Variants in COLQ observed in about 807,000 individuals in gnomAD.
COLQ encodes collagen like tail subunit of asymmetric acetylcholinesterase.
Under a neutral mutation model 69.0 loss-of-function variants are expected in COLQ, and 48 were observed. The ratio of observed to expected loss-of-function variants is 0.70; its 90% CI spans 0.55 to 0.88. The LOEUF (loss-of-function observed/expected upper bound fraction) is 0.88, where lower values mean the gene tolerates loss of function less well. COLQ is among the 40% of genes least tolerant of loss of function. The pLI, the probability that COLQ is intolerant of heterozygous loss-of-function variation, is 0.00. For missense variants in COLQ, 618 were observed against 594.6 expected (o/e 1.04, Z -0.41); for synonymous variants, 217 against 211.2 (o/e 1.03, Z -0.24).
intron 15 of COLQ, 76 bp from the exon 16 acceptor site, chr3:15,454,007 C>T: frequency 7.8e-6 from 8 of 1,027,264 alleles, no homozygotes; most frequent in South Asian, 1.4e-5. Context: ...AAGGACCATG[C>T]GGCCCAAGGG....
At chr3:15,488,462 A>G (rs1032607405) in intron 2 of COLQ, among the ~76,000 whole-genome samples, 155 bp from the exon 3 acceptor site, 4 of 152,250 alleles carry the variant, frequency 2.6e-5, no homozygotes, top group African/African-American at 7.2e-5. Flanking sequence ...ACCTTGGGCT[A>G]CCAGTTTCTG....
intron 15 of COLQ, among the ~76,000 whole-genome samples, chr3:15,455,480 C>T (rs2062010931): frequency 1.3e-5 from 2 of 152,374 alleles, no homozygotes; most frequent in South Asian, 4.1e-4. Flanking sequence ...GGCTTTGCTA[C>T]TAGAGCTCTA....
Position 15,464,771 on chromosome 3 carries a change from ATG to A in COLQ, c.814+1568_814+1569del, listed in dbSNP as rs2062171923. On this transcript the variant is annotated intron_variant, in intron 12 of 16. Coordinates refer to ENST00000383788, the MANE Select transcript of COLQ (RefSeq NM_005677.4). ...AGACAGAAAATGTTGCAGTCAACAAATGATCTTCTTGATACTGTCTTTATACA... is the reference window on the plus strand; with the variant it reads ...AGACAGAAAATGTTGCAGTCAACAAAATCTTCTTGATACTGTCTTTATACA... 3.9e-5 allele frequency among the ~76,000 whole-genome samples: 6 copies of A among 152,350 alleles called. No homozygotes were observed. The South Asian group carries it at 1.2e-3, about 32-fold the overall frequency.
rs780814610 is a variant in COLQ at position 15,466,329 on chromosome 3, T to C, written c.814+12A>G. On this transcript the variant is annotated intron_variant, in intron 12 of 16. Transcript: ENST00000383788. The stretch of plus-strand genomic sequence containing the variant: ...TCCAACAGTGGATCAAGTGAAGCAG[T>C]GTAGCTCTTACCTGCAGGTGGGGGG... 3.6e-5 allele frequency: 57 copies of C among 1,595,490 alleles called. No homozygotes were observed. In the South Asian group the frequency reaches 6.2e-4, roughly 17 times the overall value.
rs367936794 is a variant in COLQ, at chr3:15,463,232, C to T, written c.814+3109G>A. ...TAAACACAGTGAGACCATTAAGATCCCAGTCCGCTAAGGATCTCCTACACA... is the reference window on the plus strand; with the variant it reads ...TAAACACAGTGAGACCATTAAGATCTCAGTCCGCTAAGGATCTCCTACACA... On this transcript the variant is annotated intron_variant, in intron 12 of 16. Transcript: ENST00000383788. Among the ~76,000 whole-genome samples, 99 of 152,166 alleles carry T rather than the reference C, an allele frequency of 6.5e-4. 1 individual carries two copies. The highest frequency in any genetic ancestry group is 1.2e-3 in the Non-Finnish European group (82 of 68,038).
chr3:15,515,680 C>A (rs1458651515), intron 1 of COLQ, among the ~76,000 whole-genome samples: 2 of 152,080 alleles, frequency 1.3e-5, no homozygotes, highest in Admixed American at 6.6e-5. Flanking sequence ...GTGGTGGGAG[C>A]CTGTAATCCC....
chr3:15,475,475 C>T lies in COLQ; in HGVS notation c.478G>A (p.Asp160Asn), dbSNP rs780992593. 2.5e-6 allele frequency: 4 copies of T among 1,598,856 alleles called. 1 individual carries two copies. The highest frequency in any genetic ancestry group is 4.5e-5 in the East Asian group (2 of 44,622). The change falls in exon 7 of 17, where the codon GAC (aspartate) becomes AAC (asparagine). Residue 160 changes from aspartate to asparagine, a missense_variant. Transcript: ENST00000383788. Reference sequence around the variant, plus strand: ...CCTGGCAAGCCCATCATACCCAGGTCACCTTTTTCACCCTGTGGGAATTAG... The same window carrying T: ...CCTGGCAAGCCCATCATACCCAGGTTACCTTTTTCACCCTGTGGGAATTAG... ...GPEGPRGEKG[D>N]LGMMGLPGSR...
chr3:15,513,222 G>T (rs1292337209), intron 1 of COLQ, among the ~76,000 whole-genome samples: 1 of 152,176 alleles, frequency 6.6e-6, no homozygotes, highest in East Asian at 1.9e-4. Context: ...GGGAAGGGCT[G>T]CTGAGCTATA....
At chr3:15,463,299 G>T (rs761520259) in intron 12 of COLQ, among the ~76,000 whole-genome samples, 1 of 151,170 alleles carries the variant, frequency 6.6e-6, no homozygotes, top group Non-Finnish European at 1.5e-5. Flanking sequence ...CTACTCCTCA[G>T]TTTTTTTTGG....
Position 15,480,661 on chromosome 3 carries a change from T to C in COLQ, c.322-1279A>G, listed in dbSNP as rs142619037. On this transcript the variant is annotated intron_variant, in intron 3 of 16. Coordinates refer to ENST00000383788, the MANE Select transcript of COLQ (RefSeq NM_005677.4). Reference sequence around the variant, plus strand: ...AAACATACGTGGGCATGTGTCTTTATAGCAGCACGATTTACAATCCTTTGG... The same window carrying C: ...AAACATACGTGGGCATGTGTCTTTACAGCAGCACGATTTACAATCCTTTGG... 3.9e-3 allele frequency among the ~76,000 whole-genome samples: 596 copies of C among 152,346 alleles called. 3 individuals carry two copies. Among genetic ancestry groups the C allele is most frequent in the Middle Eastern group, 0.01 (3 of 294 alleles).
chr3:15,500,514 C>T (rs2062816359), intron 1 of COLQ, among the ~76,000 whole-genome samples: 1 of 152,156 alleles, frequency 6.6e-6, no homozygotes, highest in African/African-American at 2.4e-5. Flanking sequence ...AACCACTCAG[C>T]TGTAGTTTGT....
At chr3:15,504,147 T>A (rs144597930) in intron 1 of COLQ, among the ~76,000 whole-genome samples, 8 of 152,270 alleles carry the variant, frequency 5.3e-5, no homozygotes, top group African/African-American at 1.2e-4. Flanking sequence ...GCAACTCACT[T>A]GAAATCCATC....
At chr3:15,497,965 T>C (rs796406706) in intron 1 of COLQ, among the ~76,000 whole-genome samples, 30 of 152,334 alleles carry the variant, frequency 2.0e-4, no homozygotes, top group African/African-American at 7.0e-4. Flanking sequence ...TGAAAGAACA[T>C]GGTAGAGTTT....
chr3:15,451,413 T>A lies in COLQ; in HGVS notation c.*231A>T. 1.5e-6 allele frequency: 1 copy of A among 670,998 alleles called. No individual in the cohort carries two copies. The highest frequency in any genetic ancestry group is 1.7e-5 in the South Asian group (1 of 58,486). The allele number at this position is 670,998 out of a possible 1,614,324, so 41.6% of individuals were successfully genotyped here. On this transcript the variant is annotated 3_prime_UTR_variant, in exon 17 of 17. Coordinates refer to ENST00000383788, the MANE Select transcript of COLQ (RefSeq NM_005677.4). ...AAATGGTAGCGATGGGGAACAGGTCTCAGGTTGGGCATGTGGAAGGTTTTC... is the reference window on the plus strand; with the variant it reads ...AAATGGTAGCGATGGGGAACAGGTCACAGGTTGGGCATGTGGAAGGTTTTC...
chr3:15,470,911 C>T (rs564480985), intron 10 of COLQ, among the ~76,000 whole-genome samples: 1 of 152,334 alleles, frequency 6.6e-6, no homozygotes, highest in South Asian at 2.1e-4. Flanking sequence ...GACAAATCAT[C>T]ACCCAGAACA....
At chr3:15,489,449 G>T in intron 2 of COLQ, 76 bp downstream of exon 2, 1 of 1,345,162 alleles carries the variant, frequency 7.4e-7, no homozygotes, top group Non-Finnish European at 1.1e-6. Flanking sequence ...GTGGAGTGGG[G>T]CAGGCAGGTG....
At chr3:15,500,563 T>C (rs1425382286) in intron 1 of COLQ, among the ~76,000 whole-genome samples, 4 of 152,196 alleles carry the variant, frequency 2.6e-5, no homozygotes. Flanking sequence ...GACTAGATGA[T>C]CGCTGGGGTC....
In COLQ at chr3:15,466,436, C is replaced by T; in HGVS notation, c.719G>A (p.Gly240Glu). ...CATAACTCCACTATCCCCTTTCTGT[C>T]CCTGACAGAGAGAAAGGCAGAGCCT... The part of the protein sequence containing the change: ...TGRPGKRGKQ[G>E]QKGDSGVMGP... The change falls in exon 12 of 17, where the codon GGA becomes GAA. Residue 240 changes from glycine to glutamate, a missense_variant and splice_region_variant. Physicochemically the swap from Gly to Glu is moderately conservative, Grantham distance 98. Transcript: ENST00000383788. 5 of 1,613,752 alleles carry T rather than the reference C, an allele frequency of 3.1e-6. No individual in the cohort carries two copies. Among genetic ancestry groups the T allele is most frequent in the Non-Finnish European group, 3.4e-6 (4 of 1,179,684 alleles).
At chr3:15,474,806 G>C (rs1452727530) in intron 8 of COLQ, 119 bp downstream of exon 8, 1 of 1,192,044 alleles carries the variant, frequency 8.4e-7, no homozygotes, top group East Asian at 2.3e-5. Flanking sequence ...GGAATAGCTA[G>C]GGATGGTGGC....
Sources: allele counts gnomAD v4.1 joint callset (sites outside exome capture counted in the v4.1 genomes callset), GRCh38; gene constraint gnomAD v4.1.1; transcripts MANE v1.5; gene names NCBI Gene and HGNC (gene_info 2026-07-23, HGNC 2026-07-21).